Variants in IMMP2L observed in about 807,000 individuals in gnomAD.
The protein encoded by IMMP2L is inner mitochondrial membrane peptidase subunit 2, also known as mitochondrial inner membrane protease subunit 2.
A neutral mutation model predicts 19.3 loss-of-function variants in IMMP2L; 18 were observed. The observed-to-expected ratio is 0.93, with a 90% CI of 0.64 to 1.38. The LOEUF is 1.38. Ranked by LOEUF, IMMP2L falls within the 40% of genes most tolerant of loss-of-function variation. The probability of loss-of-function intolerance (pLI) is 0.00; values close to 1 mark genes in which losing one functional copy is unlikely to be tolerated. For synonymous variants in IMMP2L, 76 were observed against 73.0 expected, an observed-to-expected ratio of 1.04 and a Z score of -0.21; for missense variants, 233 against 218.2, an observed-to-expected ratio of 1.07 and a Z score of -0.43.
intron 3 of IMMP2L, among the ~76,000 whole-genome samples, chr7:111,415,549 A>G (rs1167702647): frequency 2.0e-5 from 3 of 151,914 alleles, no homozygotes; most frequent in Non-Finnish European, 4.4e-5. Flanking sequence ...TCAACAAAAT[A>G]GGCTAAAAGA....
intron 3 of IMMP2L, among the ~76,000 whole-genome samples, chr7:111,146,909 T>A (rs1054968442): frequency 2.0e-5 from 3 of 152,120 alleles, no homozygotes; most frequent in Non-Finnish European, 1.5e-5. Context: ...ATTTCTTTCA[T>A]TGGCTCCATC....
intron 5 of IMMP2L, among the ~76,000 whole-genome samples, chr7:110,763,170 A>G (rs1798454448): frequency 1.3e-5 from 2 of 152,074 alleles, no homozygotes; most frequent in African/African-American, 4.8e-5. Context: ...AAATCTTGAG[A>G]GGTTACTGAG....
intron 3 of IMMP2L, among the ~76,000 whole-genome samples, chr7:111,400,605 C>A (rs1044142265): frequency 1.3e-5 from 2 of 152,068 alleles, no homozygotes; most frequent in Non-Finnish European, 2.9e-5. Flanking sequence ...CCATCTATAT[C>A]TGTAGTCTGA....
intron 3 of IMMP2L, among the ~76,000 whole-genome samples, chr7:111,023,654 C>A (rs1164847893): frequency 6.6e-6 from 1 of 152,076 alleles, no homozygotes; most frequent in African/African-American, 2.4e-5. Context: ...TTGCAGTGAG[C>A]CGAGATCATG....
At chr7:110,780,805 A>AAATCC (rs10651053) in intron 5 of IMMP2L, among the ~76,000 whole-genome samples, 9 of 151,852 alleles carry the variant, frequency 5.9e-5, no homozygotes, top group Admixed American at 5.3e-4. Context: ...TGCCTTTGCT[A>AAATCC]CTCTACTTCC....
At chr7:110,904,216 GTTGA>G (rs890973110) in intron 4 of IMMP2L, among the ~76,000 whole-genome samples, 3 of 152,088 alleles carry the variant, frequency 2.0e-5, no homozygotes, top group Non-Finnish European at 2.9e-5. Context: ...TTTTCATTCT[GTTGA>G]TTGTTTCCTT....
At chr7:110,737,497 G>T (rs534850805) in intron 5 of IMMP2L, among the ~76,000 whole-genome samples, 1 of 152,248 alleles carries the variant, frequency 6.6e-6, no homozygotes, top group East Asian at 1.9e-4. Flanking sequence ...ACCCCCATCT[G>T]CCACAGCAGT....
At chr7:111,209,002 T>C (rs184120273) in intron 3 of IMMP2L, among the ~76,000 whole-genome samples, 3 of 152,336 alleles carry the variant, frequency 2.0e-5, no homozygotes, top group African/African-American at 4.8e-5. Context: ...TCCATGTTTA[T>C]AGTTTAAAAC....
chr7:111,001,037 C>T (rs982477932), intron 3 of IMMP2L, among the ~76,000 whole-genome samples: 4 of 152,172 alleles, frequency 2.6e-5, no homozygotes, highest in Non-Finnish European at 4.4e-5. Flanking sequence ...AACAATGATA[C>T]TGATTGGCCA....
At chr7:110,782,689 G>A (rs1328470253) in intron 5 of IMMP2L, among the ~76,000 whole-genome samples, 2 of 151,798 alleles carry the variant, frequency 1.3e-5, no homozygotes, top group Non-Finnish European at 2.9e-5. Context: ...TATGTGCTAG[G>A]CACTCAGCTA....
chr7:111,254,022 A>G (rs952512279), intron 3 of IMMP2L, among the ~76,000 whole-genome samples: 3 of 152,180 alleles, frequency 2.0e-5, no homozygotes, highest in African/African-American at 7.2e-5. Flanking sequence ...CTAACTCCAC[A>G]TAGTGCAAGG....
intron 3 of IMMP2L, among the ~76,000 whole-genome samples, chr7:111,432,228 G>GA (rs755925031): frequency 2.0e-5 from 3 of 150,978 alleles, no homozygotes; most frequent in Non-Finnish European, 4.4e-5. Context: ...GAGTGTGGGG[G>GA]AAAAAAAACC....
rs139564747 is a variant in IMMP2L at position 111,527,352 on chromosome 7, G to A, written c.-2-5903C>T. Among the ~76,000 whole-genome samples, 270 of 143,456 alleles carry A rather than the reference G, an allele frequency of 1.9e-3. 10 individuals are homozygous for A. In the East Asian group the frequency reaches 0.044, roughly 23 times the overall value. The allele number at this position is 143,456 out of a possible 152,430, so 94.1% of individuals were successfully genotyped here. A position where few individuals can be genotyped will look rare whatever the true frequency, so the allele number is the denominator to read the frequency against. On this transcript the variant is annotated intron_variant, in intron 1 of 5. Coordinates refer to ENST00000405709, the MANE Select transcript of IMMP2L (RefSeq NM_032549.4). ...GGACTGCTTGAGCTAAGGAGTTTGA[G>A]ACTGCAGTGAGCTATGACTGTGCCA...
At chr7:110,897,690 C>T (rs1811462359) in intron 4 of IMMP2L, among the ~76,000 whole-genome samples, 1 of 152,062 alleles carries the variant, frequency 6.6e-6, no homozygotes, top group African/African-American at 2.4e-5. Flanking sequence ...AAAGATAATA[C>T]TTAAAACAGG....
At chr7:111,321,984 T>C (rs901735244) in intron 3 of IMMP2L, among the ~76,000 whole-genome samples, 1 of 151,986 alleles carries the variant, frequency 6.6e-6, no homozygotes, top group Non-Finnish European at 1.5e-5. Flanking sequence ...AAACTCAAAT[T>C]ATGTTAAAGC....
chr7:111,116,197 AT>A (rs760942223), intron 3 of IMMP2L, among the ~76,000 whole-genome samples: 51 of 152,324 alleles, frequency 3.3e-4, no homozygotes, highest in Admixed American at 9.1e-4. Flanking sequence ...TCTGAGCCCT[AT>A]ATCCAGAGGA....
At chr7:111,342,076 T>A (rs1466164203) in intron 3 of IMMP2L, among the ~76,000 whole-genome samples, 1 of 152,032 alleles carries the variant, frequency 6.6e-6, no homozygotes, top group Non-Finnish European at 1.5e-5. Context: ...CCAAGACAGG[T>A]ATTTAAGAAA....
At chr7:111,506,500 C>T (rs1030631834) in intron 2 of IMMP2L, among the ~76,000 whole-genome samples, 1 of 152,112 alleles carries the variant, frequency 6.6e-6, no homozygotes, top group Non-Finnish European at 1.5e-5. Context: ...CAGGTTCAAG[C>T]GATTCTCCTG....
chr7:110,854,607 A>C (rs1282453688), intron 5 of IMMP2L, among the ~76,000 whole-genome samples: 3 of 152,022 alleles, frequency 2.0e-5, no homozygotes, highest in Non-Finnish European at 4.4e-5. Flanking sequence ...CAGATGAAAT[A>C]ACATTAACAG....
Sources: allele counts gnomAD v4.1 joint callset (sites outside exome capture counted in the v4.1 genomes callset), GRCh38; gene constraint gnomAD v4.1.1; transcripts MANE v1.5; gene names NCBI Gene and HGNC (gene_info 2026-07-23, HGNC 2026-07-21).